Variants in S100Z observed in about 807,000 individuals in gnomAD.
S100Z encodes the protein S100 calcium binding protein Z.
S100Z carries 11 observed loss-of-function variants against 8.5 expected under a neutral mutation model. The ratio of observed to expected loss-of-function variants is 1.30; its 90% confidence interval spans 0.82 to 2.15. The LOEUF (loss-of-function observed/expected upper bound fraction) is 2.15. Among genes scored for constraint, S100Z ranks in the 30% most tolerant of loss-of-function variants. The probability of loss-of-function intolerance (pLI) is 0.00; values close to 1 mark genes in which losing one functional copy is unlikely to be tolerated. For missense variants in S100Z, 126 were observed against 117.9 expected, an observed-to-expected ratio of 1.07 and a Z score of -0.32; for synonymous variants, 34 against 43.8, an observed-to-expected ratio of 0.78 and a Z score of 0.89.
chr5:76,898,576 C>T (rs1480032376), intron 4 of S100Z, among the ~76,000 whole-genome samples: 2 of 152,082 alleles, frequency 1.3e-5, no homozygotes, highest in Non-Finnish European at 2.9e-5. Flanking sequence ...GGTTTTTATC[C>T]TTCATTTTGT....
intron 4 of S100Z, among the ~76,000 whole-genome samples, chr5:76,893,871 T>C (rs1210292048): frequency 6.6e-6 from 1 of 152,174 alleles, no homozygotes; most frequent in African/African-American, 2.4e-5. Flanking sequence ...CTTTTGCAAA[T>C]CTTGGATTGT....
rs12655595 is a variant in S100Z, at chr5:76,904,256, G to A, written c.*3-16461G>A. ...TTGCCCTGGGTTAAACTGCAGTGGTGTGATCTTAGCTCACTGCAACCTTCA... is the reference window on the plus strand; with the variant it reads ...TTGCCCTGGGTTAAACTGCAGTGGTATGATCTTAGCTCACTGCAACCTTCA... On this transcript the variant is annotated intron_variant, in intron 4 of 4. Transcript: ENST00000317593. 5.1e-3 allele frequency among the ~76,000 whole-genome samples: 775 copies of A among 152,176 alleles called. 25 individuals are homozygous for A. In the East Asian group the frequency reaches 0.083, roughly 16 times the overall value.
At chr5:76,908,819 G>A (rs560622604) in intron 4 of S100Z, among the ~76,000 whole-genome samples, 14 of 152,280 alleles carry the variant, frequency 9.2e-5, no homozygotes, top group African/African-American at 1.7e-4. Context: ...TAGGACAGGC[G>A]TAAAGTCTCA....
At chr5:76,948,307 C>T in the S100Z span, among the ~76,000 whole-genome samples, 1 of 151,172 alleles carries the variant, frequency 6.6e-6, no homozygotes, top group Admixed American at 6.6e-5. Context: ...GCCTGGGAAA[C>T]AGAGTGAGAC....
At chr5:76,915,718 T>C (rs1744834015) in intron 4 of S100Z, among the ~76,000 whole-genome samples, 1 of 152,188 alleles carries the variant, frequency 6.6e-6, no homozygotes, top group African/African-American at 2.4e-5. Flanking sequence ...ATGGTTTAAC[T>C]ATAAAAATTA....
intron 4 of S100Z, among the ~76,000 whole-genome samples, chr5:76,912,075 G>C (rs1287658173): frequency 1.0e-5 from 1 of 100,004 alleles, no homozygotes; most frequent in East Asian, 2.6e-4. Flanking sequence ...ACTGTTTAAG[G>C]GTAGTTGCGG....
the S100Z span, among the ~76,000 whole-genome samples, chr5:76,935,835 G>A: frequency 6.6e-6 from 1 of 151,432 alleles, no homozygotes; most frequent in Admixed American, 6.6e-5. Context: ...GAAGTGCAAT[G>A]GCATGATCTC....
chr5:76,941,715 CT>C, the S100Z span, among the ~76,000 whole-genome samples: 27,603 of 151,706 alleles, frequency 0.18, 2,634 homozygotes, highest in Middle Eastern at 0.24. Flanking sequence ...CACTCCACCC[CT>C]CCCTTCCCCC....
intron 4 of S100Z, among the ~76,000 whole-genome samples, chr5:76,918,312 T>G (rs909135569): frequency 2.6e-5 from 4 of 152,170 alleles, no homozygotes; most frequent in Non-Finnish European, 4.4e-5. Context: ...GCTCAAGTGA[T>G]CCTCCCACCT....
At chr5:76,911,133 TA>T (rs1273153321) in intron 4 of S100Z, among the ~76,000 whole-genome samples, 8 of 152,218 alleles carry the variant, frequency 5.3e-5, no homozygotes. Context: ...CAAATCAGGC[TA>T]AAAGATCCCA....
Position 76,875,307 on chromosome 5 carries a change from C to G in S100Z, c.-53C>G. 6.5e-7 allele frequency: 1 copy of G among 1,547,838 alleles called. No individual in the cohort carries two copies. The highest frequency in any genetic ancestry group is 2.0e-5 in the Admixed American group (1 of 49,166). ...TCATCTGTTTATTCTGAACAAGTGT[C>G]TTCTCCCCGGGTTTGGTGGCCTGCT... On this transcript the variant is annotated 5_prime_UTR_variant, in exon 3 of 5. Coordinates refer to ENST00000317593, the MANE Select transcript of S100Z (RefSeq NM_130772.4).
intron 4 of S100Z, among the ~76,000 whole-genome samples, chr5:76,911,044 T>G (rs1280877864): frequency 6.6e-6 from 1 of 152,160 alleles, no homozygotes; most frequent in Non-Finnish European, 1.5e-5. Flanking sequence ...TTTGTTGTCC[T>G]CTACTTGAGG....
At chr5:76,862,821 A>T (rs1437039779) in intron 1 of S100Z, among the ~76,000 whole-genome samples, 1 of 151,718 alleles carries the variant, frequency 6.6e-6, no homozygotes, top group African/African-American at 2.4e-5. Context: ...AACAACAACA[A>T]CAAAAACCCT....
the S100Z span, among the ~76,000 whole-genome samples, chr5:76,926,943 G>C: frequency 6.6e-6 from 1 of 152,118 alleles, no homozygotes; most frequent in African/African-American, 2.4e-5. Context: ...TTTTTCATCT[G>C]GATGTTTTGT....
chr5:76,918,083 C>T (rs1038802981), intron 4 of S100Z, among the ~76,000 whole-genome samples: 30 of 152,150 alleles, frequency 2.0e-4, no homozygotes, highest in African/African-American at 6.8e-4. Flanking sequence ...TGATTGATAA[C>T]GTCAATTTTC....
At chr5:76,940,137 C>T in the S100Z span, among the ~76,000 whole-genome samples, 1 of 116,086 alleles carries the variant, frequency 8.6e-6, no homozygotes, top group Non-Finnish European at 1.7e-5. Context: ...AGCCTGGCAA[C>T]AGAGCAAGAC....
chr5:76,925,472 T>C (rs1373903392), downstream of S100Z, among the ~76,000 whole-genome samples: 1 of 152,214 alleles, frequency 6.6e-6, no homozygotes, highest in Non-Finnish European at 1.5e-5. Context: ...TTCACCTGCC[T>C]GGCTCTTATC....
chr5:76,867,406 T>TG (rs1561226147), intron 1 of S100Z, among the ~76,000 whole-genome samples: 1 of 152,180 alleles, frequency 6.6e-6, no homozygotes. Context: ...TCAGACACTC[T>TG]GGGGGTATCC....
chr5:76,944,007 G>GT, the S100Z span, among the ~76,000 whole-genome samples: 5,725 of 150,320 alleles, frequency 0.038, 337 homozygotes, highest in African/African-American at 0.13. Context: ...TCATGACTGA[G>GT]TTTTTTTTTT....
Sources: allele counts gnomAD v4.1 joint callset (sites outside exome capture counted in the v4.1 genomes callset), GRCh38; gene constraint gnomAD v4.1.1; transcripts MANE v1.5; gene names NCBI Gene and HGNC (gene_info 2026-07-23, HGNC 2026-07-21).